Variants in PCA3 observed in about 807,000 individuals in gnomAD.
PCA3 encodes the protein prostate cancer associated 3.
intron 2 of PCA3, among the ~76,000 whole-genome samples, chr9:76,774,189 G>A (rs1384453766): frequency 6.6e-6 from 1 of 152,010 alleles, no homozygotes; most frequent in Non-Finnish European, 1.5e-5. Flanking sequence ...AGGCTGGAGT[G>A]CAGTGGCACA....
At chr9:76,781,524 T>A (rs894411048) in intron 2 of PCA3, among the ~76,000 whole-genome samples, 1 of 152,250 alleles carries the variant, frequency 6.6e-6, no homozygotes, top group African/African-American at 2.4e-5. Context: ...TTTATAAACT[T>A]AAAAATTACT....
chr9:76,779,384 C>T (rs530213644), intron 2 of PCA3, among the ~76,000 whole-genome samples: 6 of 152,214 alleles, frequency 3.9e-5, no homozygotes, highest in African/African-American at 1.4e-4. Flanking sequence ...CCTTCCAAAG[C>T]CAACGTCGAA....
At chr9:76,782,757 G>A (rs2054556464) in intron 2 of PCA3, 1 of 152,164 alleles carries the variant, frequency 6.6e-6, no homozygotes, top group Non-Finnish European at 1.5e-5. Flanking sequence ...AGTGACACAG[G>A]GCTGGATCAC....
At chr9:76,773,916 T>A (rs918534395) in intron 2 of PCA3, among the ~76,000 whole-genome samples, 3 of 151,930 alleles carry the variant, frequency 2.0e-5, no homozygotes, top group Non-Finnish European at 2.9e-5. Context: ...ATAAAGCAGG[T>A]AGAGAAATGA....
intron 2 of PCA3, among the ~76,000 whole-genome samples, chr9:76,771,014 T>TAA (rs1399500470): frequency 6.6e-6 from 1 of 152,118 alleles, no homozygotes; most frequent in Non-Finnish European, 1.5e-5. Flanking sequence ...CAAATTACCA[T>TAA]AAATAGCAAG....
chr9:76,774,481 A>G (rs1171180813), intron 2 of PCA3, among the ~76,000 whole-genome samples: 2 of 22,016 alleles, frequency 9.1e-5, no homozygotes, highest in Non-Finnish European at 1.3e-4. Flanking sequence ...TTTTTTTGAG[A>G]TGGAGTCTCA....
intron 2 of PCA3, among the ~76,000 whole-genome samples, chr9:76,770,966 T>G: frequency 6.6e-6 from 1 of 151,040 alleles, no homozygotes; most frequent in South Asian, 2.1e-4. Context: ...AACTAATAAC[T>G]AACTAGAGAC....
At chr9:76,773,438 C>CTTTTTTT (rs35078779) in intron 2 of PCA3, among the ~76,000 whole-genome samples, 1 of 107,600 alleles carries the variant, frequency 9.3e-6, no homozygotes, top group Non-Finnish European at 1.8e-5. Context: ...ACTAGTACAT[C>CTTTTTTT]TTTTTTTTTT....
At chr9:76,781,661 ATTAC>A (rs1213188148) in intron 2 of PCA3, among the ~76,000 whole-genome samples, 2 of 152,208 alleles carry the variant, frequency 1.3e-5, no homozygotes, top group Non-Finnish European at 2.9e-5. Flanking sequence ...TATATGCATG[ATTAC>A]TTGTTTAATG....
intron 2 of PCA3, among the ~76,000 whole-genome samples, chr9:76,780,736 GTTTTGT>G (rs199838449): frequency 0.011 from 1,611 of 152,174 alleles, 25 homozygotes; most frequent in African/African-American, 0.036. Flanking sequence ...CAGCAAGAGG[GTTTTGT>G]TTTTGTTTTT....
intron 2 of PCA3, chr9:76,783,880 G>A (rs1442808191): frequency 6.6e-6 from 1 of 152,184 alleles, no homozygotes; most frequent in Middle Eastern, 3.1e-3. Flanking sequence ...ACAAAAGGAA[G>A]CACAGAGGTA....
At chr9:76,773,585 A>C (rs150369184) in intron 2 of PCA3, among the ~76,000 whole-genome samples, 2 of 152,056 alleles carry the variant, frequency 1.3e-5, no homozygotes, top group African/African-American at 4.8e-5. Context: ...CTGGGATTAC[A>C]GGCACCTGCC....
chr9:76,772,837 T>C (rs1247504157), intron 2 of PCA3, among the ~76,000 whole-genome samples: 1 of 152,186 alleles, frequency 6.6e-6, no homozygotes, highest in Non-Finnish European at 1.5e-5. Flanking sequence ...GTGCTGCGAT[T>C]AACAGGCATG....
chr9:76,771,661 T>C (rs1054800707), intron 2 of PCA3, among the ~76,000 whole-genome samples: 5 of 152,196 alleles, frequency 3.3e-5, no homozygotes, highest in Non-Finnish European at 5.9e-5. Flanking sequence ...ATTGAGTAAA[T>C]GAATTTTCAA....
At chr9:76,782,355 G>T (rs1033325312) in intron 2 of PCA3, among the ~76,000 whole-genome samples, 2 of 152,284 alleles carry the variant, frequency 1.3e-5, no homozygotes, top group Admixed American at 6.5e-5. Flanking sequence ...CAGCATTTTT[G>T]ATAATTTCTG....
intron 2 of PCA3, among the ~76,000 whole-genome samples, chr9:76,774,123 T>C (rs2053424040): frequency 2.6e-5 from 4 of 152,194 alleles, no homozygotes; most frequent in Admixed American, 2.6e-4. Flanking sequence ...TGATTCTTTT[T>C]TATTTTTTAA....
At chr9:76,768,583 A>ATGTGTGTGTGTG (rs55793596) in intron 2 of PCA3, among the ~76,000 whole-genome samples, 206 of 103,338 alleles carry the variant, frequency 2.0e-3, no homozygotes, top group African/African-American at 6.5e-3. Context: ...ATGTATATGT[A>ATGTGTGTGTGTG]TGTGTGTGTG....
intron 2 of PCA3, among the ~76,000 whole-genome samples, chr9:76,771,227 A>G (rs1437721624): frequency 6.6e-6 from 1 of 152,182 alleles, no homozygotes; most frequent in African/African-American, 2.4e-5. Flanking sequence ...GATCAAATAT[A>G]TGTTTTTGCA....
intron 2 of PCA3, among the ~76,000 whole-genome samples, chr9:76,778,078 T>C (rs2053993349): frequency 6.6e-6 from 1 of 152,186 alleles, no homozygotes; most frequent in African/African-American, 2.4e-5. Flanking sequence ...ACATTAGATT[T>C]ATTCTAAGGA....
Sources: allele counts gnomAD v4.1 joint callset (sites outside exome capture counted in the v4.1 genomes callset), GRCh38; gene constraint gnomAD v4.1.1; transcripts MANE v1.5; gene names NCBI Gene and HGNC (gene_info 2026-07-23, HGNC 2026-07-21).